The following FANCC variants were observed in gnomAD, a reference collection of about 807,000 sequenced individuals.
FANCC encodes FA complementation group C.
Under a neutral mutation model 71.3 loss-of-function variants are expected in FANCC, and 55 were observed. The observed-to-expected ratio is 0.77, with a 90% confidence interval of 0.62 to 0.97. The LOEUF (loss-of-function observed/expected upper bound fraction) is 0.97, where lower values mean the gene tolerates loss of function less well. FANCC is among the 50% of genes least tolerant of loss of function. The pLI is 0.00. For missense variants in FANCC, 678 were observed against 670.9 expected, an observed-to-expected ratio of 1.01 and a Z score of -0.12; for synonymous variants, 275 against 244.9, an observed-to-expected ratio of 1.12 and a Z score of -1.15.
At chr9:95,196,317 T>C (rs1827454442) in intron 4 of FANCC, among the ~76,000 whole-genome samples, 1 of 152,136 alleles carries the variant, frequency 6.6e-6, no homozygotes. Flanking sequence ...CATGAATAGG[T>C]ATTGGATCTT....
At chr9:95,157,459 T>A (rs1449887941) in intron 6 of FANCC, among the ~76,000 whole-genome samples, 2 of 152,220 alleles carry the variant, frequency 1.3e-5, no homozygotes, top group Non-Finnish European at 2.9e-5. Flanking sequence ...AGGAGCAACA[T>A]TCTGAGCATC....
At position 95,126,904 on chromosome 9, in the gene FANCC, C is replaced by T. The variant is rs956647409; in HGVS notation, c.844-323G>A. 3.4e-4 allele frequency: 114 copies of T among 338,310 alleles called. 1 individual carries two copies. The highest frequency in any genetic ancestry group is 2.2e-3 in the South Asian group (76 of 35,124). The allele number at this position is 338,310 out of a possible 1,614,324, so 21.0% of individuals were successfully genotyped here. A position where few individuals can be genotyped will look rare whatever the true frequency, so the allele number is the denominator to read the frequency against. On this transcript the variant is annotated intron_variant, in intron 8 of 14. Transcript: ENST00000289081. ...TTTAAACATCCCTCTGCCCGCATGC[C>T]GTGGAGCCTGCCTGTACTGCCAGTT...
intron 4 of FANCC, among the ~76,000 whole-genome samples, chr9:95,222,187 A>G (rs1262757301): frequency 2.8e-5 from 4 of 142,490 alleles, no homozygotes; most frequent in Admixed American, 2.8e-4. Context: ...AAAAAAAAAA[A>G]TTGTTCATAG....
At chr9:95,141,782 TAATG>T in intron 7 of FANCC, among the ~76,000 whole-genome samples, 1 of 152,240 alleles carries the variant, frequency 6.6e-6, no homozygotes, top group East Asian at 1.9e-4. Flanking sequence ...TTCTGATAGA[TAATG>T]AATTGTTTTC....
intron 6 of FANCC, among the ~76,000 whole-genome samples, chr9:95,169,637 T>C (rs1825536548): frequency 6.6e-6 from 1 of 152,218 alleles, no homozygotes; most frequent in South Asian, 2.1e-4. Flanking sequence ...GCTATCACAG[T>C]TGACATGAAA....
At chr9:95,154,024 T>C (rs1308282288) in intron 6 of FANCC, among the ~76,000 whole-genome samples, 1 of 152,016 alleles carries the variant, frequency 6.6e-6, no homozygotes, top group Non-Finnish European at 1.5e-5. Flanking sequence ...GGAGGGCAGA[T>C]CACCTGAGGT....
At chr9:95,257,767 A>C (rs1831761936) in intron 1 of FANCC, among the ~76,000 whole-genome samples, 1 of 152,222 alleles carries the variant, frequency 6.6e-6, no homozygotes, top group Non-Finnish European at 1.5e-5. Flanking sequence ...AAGATTAACA[A>C]AATAGATAGA....
chr9:95,238,975 C>G (rs961858606), intron 4 of FANCC, among the ~76,000 whole-genome samples: 2 of 152,186 alleles, frequency 1.3e-5, no homozygotes, highest in Non-Finnish European at 1.5e-5. Context: ...GCTTCATCAC[C>G]AACTCCACAA....
At chr9:95,172,220 A>G in intron 4 of FANCC, 73 bp from the exon 5 acceptor site, 2 of 936,060 alleles carry the variant, frequency 2.1e-6, no homozygotes, top group South Asian at 2.9e-5. Context: ...CAATGCCTAC[A>G]ATTTATTTGT....
intron 1 of FANCC, among the ~76,000 whole-genome samples, chr9:95,270,669 G>A (rs1832666883): frequency 6.6e-6 from 1 of 152,182 alleles, no homozygotes; most frequent in Admixed American, 6.5e-5. Flanking sequence ...AAAAGAATGA[G>A]GTGATACATG....
chr9:95,294,366 C>G, intron 1 of FANCC: 1 of 1,592,756 alleles, frequency 6.3e-7, no homozygotes, highest in African/African-American at 1.3e-5. Context: ...AAACGGACTT[C>G]TTACTCGCAG....
intron 4 of FANCC, among the ~76,000 whole-genome samples, chr9:95,237,306 C>A (rs1830377152): frequency 6.6e-6 from 1 of 152,152 alleles, no homozygotes; most frequent in Admixed American, 6.5e-5. Flanking sequence ...CTGGCTATCA[C>A]CCCCTTCATT....
chr9:95,225,365 C>T (rs1231135290), intron 4 of FANCC, among the ~76,000 whole-genome samples: 2 of 152,164 alleles, frequency 1.3e-5, no homozygotes, highest in Non-Finnish European at 1.5e-5. Flanking sequence ...ATACAGTGAG[C>T]TTATGTCTTG....
intron 4 of FANCC, among the ~76,000 whole-genome samples, chr9:95,182,907 G>C (rs1318254662): frequency 1.3e-5 from 2 of 152,006 alleles, no homozygotes; most frequent in African/African-American, 4.8e-5. Context: ...ACTGGGGAAG[G>C]AGTAGAGAAA....
chr9:95,309,873 A>G (rs1835281909), intron 1 of FANCC, among the ~76,000 whole-genome samples: 3 of 152,194 alleles, frequency 2.0e-5, no homozygotes, highest in Admixed American at 1.3e-4. Flanking sequence ...CAGAATCACC[A>G]TTGCAAAAAG....
chr9:95,187,564 C>A (rs577301796), intron 4 of FANCC, among the ~76,000 whole-genome samples: 2 of 152,196 alleles, frequency 1.3e-5, no homozygotes, highest in Non-Finnish European at 2.9e-5. Flanking sequence ...TTGGTCCCAC[C>A]CAGCCCACTG....
At chr9:95,114,588 C>T (rs988525388) in intron 12 of FANCC, 41 bp downstream of exon 12, 5 of 1,551,872 alleles carry the variant, frequency 3.2e-6, no homozygotes, top group African/African-American at 2.7e-5. Flanking sequence ...CTAGGGAAAC[C>T]ATGTGTGAAG....
intron 1 of FANCC, among the ~76,000 whole-genome samples, chr9:95,308,938 G>C (rs567454273): frequency 2.0e-5 from 3 of 152,160 alleles, no homozygotes; most frequent in African/African-American, 7.2e-5. Flanking sequence ...AGTCCAGGAG[G>C]GCAAGACTGC....
chr9:95,130,011 G>A (rs1474834885), intron 8 of FANCC, among the ~76,000 whole-genome samples: 2 of 152,110 alleles, frequency 1.3e-5, no homozygotes, highest in Non-Finnish European at 2.9e-5. Context: ...CACAAGGGAA[G>A]ACAAAGTCAA....
Sources: allele counts gnomAD v4.1 joint callset (sites outside exome capture counted in the v4.1 genomes callset), GRCh38; gene constraint gnomAD v4.1.1; transcripts MANE v1.5; gene names NCBI Gene and HGNC (gene_info 2026-07-23, HGNC 2026-07-21).